The following CDH13 variants were observed in gnomAD, a reference collection of about 807,000 sequenced individuals.
CDH13 encodes the protein cadherin-13.
Under a neutral mutation model 63.8 loss-of-function variants are expected in CDH13, and 24 were observed. That is an observed-to-expected ratio of 0.38 (90% confidence interval 0.27 to 0.53). The LOEUF (loss-of-function observed/expected upper bound fraction) is 0.53, where lower values mean the gene tolerates loss of function less well. CDH13 is among the 20% of genes least tolerant of loss of function. The pLI, the probability that CDH13 is intolerant of heterozygous loss-of-function variation, is 0.85. For synonymous variants in CDH13, 503 were observed against 355.3 expected (o/e 1.42, Z -4.67); for missense variants, 1,049 against 903.1 (o/e 1.16, Z -2.07).
At chr16:82,733,544 G>A (rs1172421681) in intron 1 of CDH13, among the ~76,000 whole-genome samples, 1 of 152,128 alleles carries the variant, frequency 6.6e-6, no homozygotes, top group Admixed American at 6.5e-5. Flanking sequence ...CTGGTTCTGT[G>A]CTGAGTGTTT....
chr16:83,048,374 C>T lies in CDH13; in HGVS notation c.366+16156C>T, dbSNP rs558738690. Among the ~76,000 whole-genome samples the T allele has an allele frequency of 2.3e-3, 350 of 152,246 alleles. 2 individuals carry two copies. The highest frequency in any genetic ancestry group is 8.2e-3 in the African/African-American group (340 of 41,548). ...TCTGAAACACAGGATGGGGGTGATACGAAAATGACTTGGTTGATGAGGTAT... is the reference window on the plus strand; with the variant it reads ...TCTGAAACACAGGATGGGGGTGATATGAAAATGACTTGGTTGATGAGGTAT... On this transcript the variant is annotated intron_variant, in intron 3 of 13. Transcript: ENST00000567109.
Position 83,356,010 on chromosome 16 carries a change from A to G in CDH13, c.781+11004A>G, listed in dbSNP as rs78287591. Among the ~76,000 whole-genome samples, 677 of 152,310 alleles carry G rather than the reference A, an allele frequency of 4.4e-3. 6 individuals are homozygous for G. Among genetic ancestry groups the G allele is most frequent in the African/African-American group, 0.016 (647 of 41,570 alleles). On this transcript the variant is annotated intron_variant, in intron 6 of 13. Coordinates refer to ENST00000567109, the MANE Select transcript of CDH13 (RefSeq NM_001257.5). ...GGTTAGGTGACTCCGCCGTGGTCAC[A>G]CAGCTGGTGGGTGATGAAGCTCAGA...
chr16:83,156,317 A>G (rs1314429882), intron 4 of CDH13, among the ~76,000 whole-genome samples: 2 of 152,222 alleles, frequency 1.3e-5, no homozygotes, highest in Non-Finnish European at 1.5e-5. Flanking sequence ...ATTCTATCTG[A>G]TGATGATTCA....
intron 7 of CDH13, among the ~76,000 whole-genome samples, chr16:83,554,542 T>C (rs912576325): frequency 9.9e-5 from 15 of 152,046 alleles, no homozygotes; most frequent in Non-Finnish European, 2.2e-4. Context: ...TAATTAATAA[T>C]CAATTTAAAA....
chr16:83,531,102 A>G (rs1342247537), intron 7 of CDH13, among the ~76,000 whole-genome samples: 1 of 152,184 alleles, frequency 6.6e-6, no homozygotes, highest in African/African-American at 2.4e-5. Flanking sequence ...CTAATAAGCA[A>G]TCAAATGTTA....
intron 8 of CDH13, among the ~76,000 whole-genome samples, chr16:83,603,335 G>T (rs1372210571): frequency 6.6e-6 from 1 of 152,226 alleles, no homozygotes. Context: ...GAATAGGTAC[G>T]ATGGCCCCTG....
chr16:83,646,452 G>C (rs996278002), intron 8 of CDH13, among the ~76,000 whole-genome samples: 2 of 152,106 alleles, frequency 1.3e-5, no homozygotes, highest in Non-Finnish European at 2.9e-5. Context: ...TGTAATCCCA[G>C]CACTTTGGGA....
chr16:83,094,087 C>G (rs12716958), intron 3 of CDH13, among the ~76,000 whole-genome samples: 71,361 of 151,988 alleles, frequency 0.47, 16,969 homozygotes, highest in Middle Eastern at 0.6. Context: ...GGATATATTA[C>G]TCAGCAATTA....
At chr16:83,159,427 G>A (rs1052647760) in intron 4 of CDH13, among the ~76,000 whole-genome samples, 2 of 152,014 alleles carry the variant, frequency 1.3e-5, no homozygotes, top group African/African-American at 2.4e-5. Context: ...CAATTAATGG[G>A]TATCATATGG....
chr16:82,945,901 C>A (rs897690462), intron 2 of CDH13, among the ~76,000 whole-genome samples: 10 of 152,072 alleles, frequency 6.6e-5, no homozygotes, highest in Non-Finnish European at 1.2e-4. Flanking sequence ...ACTCTCAGTT[C>A]CTTTGGTGGC....
At chr16:82,992,460 A>C (rs947232427) in intron 2 of CDH13, among the ~76,000 whole-genome samples, 2 of 152,218 alleles carry the variant, frequency 1.3e-5, no homozygotes, top group African/African-American at 2.4e-5. Context: ...CTCTACGTGC[A>C]GAGAGACTGG....
chr16:83,439,366 A>G (rs116684405), intron 6 of CDH13, among the ~76,000 whole-genome samples: 2,196 of 152,326 alleles, frequency 0.014, 65 homozygotes, highest in African/African-American at 0.049. Context: ...GCTCATTGCA[A>G]TGGGAGAGAA....
Position 83,426,184 on chromosome 16 carries a change from A to T in CDH13, c.782-60293A>T, listed in dbSNP as rs75168229. Among the ~76,000 whole-genome samples, 740 of 151,982 alleles carry T rather than the reference A, an allele frequency of 4.9e-3. 3 individuals carry two copies. Among genetic ancestry groups the T allele is most frequent in the African/African-American group, 0.018 (728 of 41,412 alleles). On this transcript the variant is annotated intron_variant, in intron 6 of 13. Coordinates refer to ENST00000567109, the MANE Select transcript of CDH13 (RefSeq NM_001257.5). ...CTCATGCCATCTGATTAATCACACT[A>T]TGTTCACTCCTCCCAGCCTCTGGGT... is the stretch of plus-strand genomic sequence containing the variant.
chr16:83,498,330 G>C (rs1365121378), intron 7 of CDH13, among the ~76,000 whole-genome samples: 2 of 152,184 alleles, frequency 1.3e-5, no homozygotes, highest in Admixed American at 1.3e-4. Context: ...GTCTCTAGAG[G>C]CTCCAAAGGA....
intron 5 of CDH13, among the ~76,000 whole-genome samples, chr16:83,318,826 A>C (rs1214418636): frequency 1.3e-5 from 2 of 152,112 alleles, no homozygotes; most frequent in Non-Finnish European, 2.9e-5. Context: ...CTTTCTTTTG[A>C]AGTCACTGCT....
chr16:83,483,910 T>C (rs1316486756), intron 6 of CDH13, among the ~76,000 whole-genome samples: 1 of 152,218 alleles, frequency 6.6e-6, no homozygotes, highest in African/African-American at 2.4e-5. Context: ...GACAGAGTCA[T>C]GCTGTTCCTG....
chr16:83,532,368 C>T (rs1489345235), intron 7 of CDH13, among the ~76,000 whole-genome samples: 2 of 152,190 alleles, frequency 1.3e-5, no homozygotes, highest in African/African-American at 4.8e-5. Context: ...ATTTTCAAAG[C>T]ATTCATTGCA....
At chr16:83,332,100 T>C (rs186433334) in intron 5 of CDH13, among the ~76,000 whole-genome samples, 1 of 152,300 alleles carries the variant, frequency 6.6e-6, no homozygotes, top group African/African-American at 2.4e-5. Context: ...CTTTTTCTAA[T>C]TATTGTAACA....
At chr16:83,205,122 GGA>G (rs774401553) in intron 4 of CDH13, among the ~76,000 whole-genome samples, 3 of 152,202 alleles carry the variant, frequency 2.0e-5, no homozygotes, top group Admixed American at 6.5e-5. Context: ...GGGAGGTACA[GGA>G]GATCCAGGGT....
Sources: allele counts gnomAD v4.1 joint callset (sites outside exome capture counted in the v4.1 genomes callset), GRCh38; gene constraint gnomAD v4.1.1; transcripts MANE v1.5; gene names NCBI Gene and HGNC (gene_info 2026-07-23, HGNC 2026-07-21).